The following PHACTR3 variants were observed in gnomAD, a reference collection of about 807,000 sequenced individuals.
PHACTR3 encodes protein phosphatase 1, regulatory subunit 123.
PHACTR3 carries 16 observed loss-of-function variants against 66.8 expected under a neutral mutation model. The ratio of observed to expected loss-of-function variants is 0.24; its 90% CI spans 0.16 to 0.36. PHACTR3 has a LOEUF of 0.36. Ranked by LOEUF, PHACTR3 falls within the 10% of genes least tolerant of loss-of-function variation. PHACTR3 has a pLI of 1.00. For missense variants in PHACTR3, 647 were observed against 719.9 expected, an observed-to-expected ratio of 0.90 and a Z score of 1.16; for synonymous variants, 323 against 292.1, an observed-to-expected ratio of 1.11 and a Z score of -1.08.
chr20:59,708,888 C>A (rs957403702), intron 1 of PHACTR3, among the ~76,000 whole-genome samples: 1 of 152,208 alleles, frequency 6.6e-6, no homozygotes. Flanking sequence ...TTCTCCCATG[C>A]AAATACAGTG....
At chr20:59,821,625 T>C (rs1164927535) in intron 8 of PHACTR3, among the ~76,000 whole-genome samples, 5 of 152,200 alleles carry the variant, frequency 3.3e-5, no homozygotes, top group African/African-American at 7.2e-5. Flanking sequence ...AACTCGCGGC[T>C]TCTGCTGCTT....
chr20:59,618,901 C>G (rs1328970504), intron 1 of PHACTR3, among the ~76,000 whole-genome samples: 1 of 152,200 alleles, frequency 6.6e-6, no homozygotes, highest in Non-Finnish European at 1.5e-5. Context: ...GTGCAGGATA[C>G]TCGGAGAGAT....
chr20:59,810,098 A>G (rs981155396), intron 8 of PHACTR3, among the ~76,000 whole-genome samples: 1 of 152,240 alleles, frequency 6.6e-6, no homozygotes, highest in Non-Finnish European at 1.5e-5. Flanking sequence ...AACAAAAAAA[A>G]AGGTAAGTAA....
intron 1 of PHACTR3, among the ~76,000 whole-genome samples, chr20:59,710,196 A>G (rs775437877): frequency 3.3e-5 from 5 of 152,186 alleles, no homozygotes; most frequent in Non-Finnish European, 4.4e-5. Context: ...TTATCTTAAC[A>G]AGCACAAAAA....
Position 59,755,165 on chromosome 20 carries a change from G to C in PHACTR3, c.359-17G>C. 1.9e-6 allele frequency: 3 copies of C among 1,607,676 alleles called. No homozygotes were observed. Among genetic ancestry groups the C allele is most frequent in the Non-Finnish European group, 2.5e-6 (3 of 1,178,192 alleles). ...AAGGGAGGTGCAGGCCCAGCTGACA[G>C]CTACATTTCCTTGTAGATGCTGAAA... is the stretch of plus-strand genomic sequence containing the variant. On this transcript the variant is annotated splice_polypyrimidine_tract_variant and intron_variant, in intron 3 of 12. Coordinates refer to ENST00000371015, the MANE Select transcript of PHACTR3 (RefSeq NM_080672.5).
intron 1 of PHACTR3, among the ~76,000 whole-genome samples, chr20:59,648,595 G>A (rs1568958595): frequency 6.6e-6 from 1 of 152,186 alleles, no homozygotes; most frequent in Non-Finnish European, 1.5e-5. Flanking sequence ...GGTCAGGGAG[G>A]GGTTGACCTT....
In PHACTR3 at chr20:59,578,448, G is replaced by C. The variant is rs2032777992; in HGVS notation, c.109+831G>C. Among the ~76,000 whole-genome samples the C allele has an allele frequency of 2.6e-5, 4 of 152,326 alleles. 1 individual carries two copies. The South Asian group carries it at 8.3e-4, about 32-fold the overall frequency. On this transcript the variant is annotated intron_variant, in intron 1 of 12. Transcript: ENST00000359926. ...AGATTGTTCCAGGGGCCCCACCCAG[G>C]CCTGCCCCTTGCAATCTCCTGGGAG...
chr20:59,831,318 C>T (rs913696411), intron 8 of PHACTR3, among the ~76,000 whole-genome samples: 5 of 152,216 alleles, frequency 3.3e-5, no homozygotes, highest in African/African-American at 7.2e-5. Flanking sequence ...CTGGTCCTTC[C>T]GGCCTCCCTG....
intron 1 of PHACTR3, among the ~76,000 whole-genome samples, chr20:59,584,242 CTGAT>C (rs772011344): frequency 5.3e-5 from 8 of 151,110 alleles, no homozygotes; most frequent in South Asian, 2.1e-4. Flanking sequence ...CTGTGTGTGC[CTGAT>C]TGTGTGTGTG....
chr20:59,669,792 A>T (rs2036128210), intron 1 of PHACTR3, among the ~76,000 whole-genome samples: 1 of 152,216 alleles, frequency 6.6e-6, no homozygotes, highest in Non-Finnish European at 1.5e-5. Flanking sequence ...GTGTTGTAGC[A>T]TGTGTCAGCC....
chr20:59,826,972 C>T (rs371097066), intron 8 of PHACTR3, among the ~76,000 whole-genome samples: 2 of 152,144 alleles, frequency 1.3e-5, no homozygotes, highest in Non-Finnish European at 1.5e-5. Context: ...GAATCCTTCC[C>T]TCTCCCTGCT....
chr20:59,774,828 C>T lies in PHACTR3; in HGVS notation c.1174+338C>T, dbSNP rs561984733. The stretch of plus-strand genomic sequence containing the variant: ...AATGCCACCCCTGAGGATGCTGTGG[C>T]GAACAGTATATAGTTGGTGTACAGA... On this transcript the variant is annotated intron_variant, in intron 7 of 12. Transcript: ENST00000371015. Among the ~76,000 whole-genome samples the T allele has an allele frequency of 6.0e-5, 9 of 151,216 alleles. No homozygotes were observed. In the South Asian group the frequency reaches 1.5e-3, roughly 25 times the overall value.
rs550331028 is a variant in PHACTR3 at position 59,736,909 on chromosome 20, C to A, written c.119-6198C>A. On this transcript the variant is annotated intron_variant, in intron 1 of 12. Coordinates refer to ENST00000371015, the MANE Select transcript of PHACTR3 (RefSeq NM_080672.5). This position sits in a 1 kb window ranked among gnomAD's most constrained non-coding sequence, Gnocchi z 4.6. ...GGATGCAGAGCAGCACAGCCTGGGGCCCCTGGGCATGGGGTCTTCACTCCT... is the reference window on the plus strand; with the variant it reads ...GGATGCAGAGCAGCACAGCCTGGGGACCCTGGGCATGGGGTCTTCACTCCT... Among the ~76,000 whole-genome samples the A allele has an allele frequency of 2.0e-5, 3 of 152,290 alleles. No individual in the cohort carries two copies. The highest frequency in any genetic ancestry group is 3.9e-4 in the East Asian group (2 of 5,168).
chr20:59,693,266 A>T (rs2037175587), intron 1 of PHACTR3, among the ~76,000 whole-genome samples: 2 of 152,144 alleles, frequency 1.3e-5, no homozygotes, highest in Non-Finnish European at 2.9e-5. Flanking sequence ...TATGTGCTTG[A>T]CTTAGCCCAC....
intron 7 of PHACTR3, among the ~76,000 whole-genome samples, chr20:59,775,754 C>T (rs1366994504): frequency 1.3e-5 from 2 of 152,158 alleles, no homozygotes; most frequent in Non-Finnish European, 2.9e-5. Context: ...AATCCTTGCC[C>T]TTAAACACCT....
intron 1 of PHACTR3, among the ~76,000 whole-genome samples, chr20:59,619,264 G>A (rs1600930065): frequency 6.6e-6 from 1 of 152,118 alleles, no homozygotes; most frequent in East Asian, 1.9e-4. Context: ...CCCTAATCAG[G>A]GAAGCCCTAA....
rs1239251258 is a variant in PHACTR3 at position 59,806,123 on chromosome 20, G to A, written c.1257G>A (p.Arg419=). ...CAAGCAAACAGGAACTAGAAGACCG[G>A]AACATTTTCCCCAGAAGGACTGATG... ...NRPSKQELED[R]NIFPRRTDEE... Residue 419 remains arginine (R), a synonymous_variant, in exon 8 of 13, where the codon CGG becomes CGA. Transcript: ENST00000371015. The A allele has an allele frequency of 3.7e-6, 6 of 1,614,126 alleles. No individual in the cohort carries two copies. The highest frequency in any genetic ancestry group is 1.7e-5 in the Admixed American group (1 of 60,004).
At chr20:59,831,258 T>C (rs2042364321) in intron 8 of PHACTR3, among the ~76,000 whole-genome samples, 4 of 152,186 alleles carry the variant, frequency 2.6e-5, no homozygotes, top group Non-Finnish European at 5.9e-5. Flanking sequence ...CTTTAATTCC[T>C]GTCTGCATTC....
intron 8 of PHACTR3, among the ~76,000 whole-genome samples, chr20:59,831,291 T>C (rs1255485511): frequency 6.6e-6 from 1 of 152,232 alleles, no homozygotes; most frequent in Non-Finnish European, 1.5e-5. Flanking sequence ...AGCCTCTTCC[T>C]GGCTCCCCAG....
Sources: allele counts gnomAD v4.1 joint callset (sites outside exome capture counted in the v4.1 genomes callset), GRCh38; gene constraint gnomAD v4.1.1; non-coding constraint Gnocchi (gnomAD v3.1); transcripts MANE v1.5; gene names NCBI Gene and HGNC (gene_info 2026-07-23, HGNC 2026-07-21).